UBAP1: variants seen among roughly 807,000 people sequenced by gnomAD.
UBAP1 encodes ubiquitin-associated protein 1.
In UBAP1, 5 loss-of-function variants were observed where a neutral mutation model predicts 39.0. That is an observed-to-expected ratio of 0.13 (90% CI 0.07 to 0.27). The LOEUF is 0.27. Among genes scored for constraint, UBAP1 ranks in the 10% least tolerant of loss-of-function variants. The pLI is 1.00. For synonymous variants in UBAP1, 211 were observed against 225.1 expected (o/e 0.94, Z 0.56); for missense variants, 490 against 608.1 (o/e 0.81, Z 2.04).
chr9:34,183,768 G>T (rs1201221826), intron 1 of UBAP1, among the ~76,000 whole-genome samples: 8 of 149,112 alleles, frequency 5.4e-5, no homozygotes, highest in African/African-American at 2.0e-4. Flanking sequence ...TTTTTTGTTT[G>T]TTTTTTGTTT....
intron 2 of UBAP1, among the ~76,000 whole-genome samples, chr9:34,226,128 TGTGTGTG>T: frequency 8.5e-6 from 1 of 118,108 alleles, no homozygotes. Flanking sequence ...TGTGTGTGTG[TGTGTGTG>T]TGTGTGTGTG....
chr9:34,183,233 T>A (rs1830188068), intron 1 of UBAP1, among the ~76,000 whole-genome samples: 1 of 151,918 alleles, frequency 6.6e-6, no homozygotes, highest in South Asian at 2.1e-4. Flanking sequence ...TGCAAAAAGG[T>A]AATACAGAGT....
intron 1 of UBAP1, among the ~76,000 whole-genome samples, chr9:34,183,338 T>C (rs1297238558): frequency 6.6e-6 from 1 of 151,032 alleles, no homozygotes; most frequent in Non-Finnish European, 1.5e-5. Context: ...GGTCAGGAGA[T>C]TGAGACCATC....
intron 3 of UBAP1, among the ~76,000 whole-genome samples, chr9:34,237,945 A>C (rs527387741): frequency 6.6e-6 from 1 of 152,310 alleles, no homozygotes; most frequent in East Asian, 1.9e-4. Context: ...AATCATTACT[A>C]TCTAATTCCC....
chr9:34,200,728 TTGTC>T (rs1295572950), intron 1 of UBAP1, among the ~76,000 whole-genome samples: 1 of 152,184 alleles, frequency 6.6e-6, no homozygotes, highest in East Asian at 1.9e-4. Context: ...ATTTATTTAT[TTGTC>T]TGTTTCTGTC....
At chr9:34,184,833 A>G (rs1490788152) in intron 1 of UBAP1, among the ~76,000 whole-genome samples, 2 of 151,256 alleles carry the variant, frequency 1.3e-5, no homozygotes, top group African/African-American at 4.8e-5. Flanking sequence ...CATGTTGGCC[A>G]GGATGGTCTT....
At chr9:34,212,906 A>G (rs1200478874) in intron 1 of UBAP1, among the ~76,000 whole-genome samples, 2 of 152,168 alleles carry the variant, frequency 1.3e-5, no homozygotes, top group African/African-American at 2.4e-5. Flanking sequence ...AAAAAAGAAA[A>G]CTACAGACTA....
Position 34,213,750 on chromosome 9 carries a change from A to G in UBAP1, c.-7-7158A>G, listed in dbSNP as rs1832144852. On this transcript the variant is annotated intron_variant, in intron 1 of 6. Coordinates refer to ENST00000297661, the MANE Select transcript of UBAP1 (RefSeq NM_016525.5). Reference sequence around the variant, plus strand: ...CAAACTGTCACTGTTTGCTGACAATATGATCGTTTACCTTGAAAACCCTAA... The same window carrying G: ...CAAACTGTCACTGTTTGCTGACAATGTGATCGTTTACCTTGAAAACCCTAA... Among the ~76,000 whole-genome samples, 4 of 152,136 alleles carry G rather than the reference A, an allele frequency of 2.6e-5. No individual in the cohort carries two copies. The South Asian group carries it at 8.3e-4, about 32-fold the overall frequency.
Position 34,252,059 on chromosome 9 carries a change from C to A in UBAP1, c.*527C>A, listed in dbSNP as rs766455035. The A allele has an allele frequency of 3.3e-4, 51 of 152,918 alleles. No individual in the cohort carries two copies. Among genetic ancestry groups the A allele is most frequent in the Non-Finnish European group, 6.6e-4 (45 of 68,244 alleles). 9.5% of individuals were successfully genotyped at this position (152,918 alleles called of 1,614,324 possible). A position where few individuals can be genotyped will look rare whatever the true frequency, so the allele number is the denominator to read the frequency against. On this transcript the variant is annotated 3_prime_UTR_variant, in exon 7 of 7. Coordinates refer to ENST00000297661, the MANE Select transcript of UBAP1 (RefSeq NM_016525.5). ...AGTGTTAACACTGGTTCTGCAATATCTCTGAGGTGCAAAGAATGCACTTTT... is the reference window on the plus strand; with the variant it reads ...AGTGTTAACACTGGTTCTGCAATATATCTGAGGTGCAAAGAATGCACTTTT...
At chr9:34,208,283 G>A (rs1587823673) in intron 1 of UBAP1, among the ~76,000 whole-genome samples, 1 of 151,534 alleles carries the variant, frequency 6.6e-6, no homozygotes, top group African/African-American at 2.4e-5. Flanking sequence ...GAAGTTTTTT[G>A]GCACCAATAT....
intron 4 of UBAP1, among the ~76,000 whole-genome samples, chr9:34,247,449 G>C (rs913480959): frequency 6.6e-6 from 1 of 151,858 alleles, no homozygotes; most frequent in African/African-American, 2.4e-5. Context: ...TTTAGAGACG[G>C]TGTCTCGCTG....
At chr9:34,182,657 T>C (rs189921061) in intron 1 of UBAP1, among the ~76,000 whole-genome samples, 212 of 64,984 alleles carry the variant, frequency 3.3e-3, no homozygotes, top group South Asian at 9.6e-3. Flanking sequence ...CTTTCTTTCT[T>C]TCTTTCTTTC....
rs775622296 is a variant in UBAP1 at position 34,212,058 on chromosome 9, T to C, written c.-7-8850T>C. On this transcript the variant is annotated intron_variant, in intron 1 of 6. Transcript: ENST00000297661. ...CCAGCTAAAAAAGAAAAAGAATATG[T>C]TTTATTGTTATTTTTGATTGATACT... is the stretch of plus-strand genomic sequence containing the variant. The C allele has an allele frequency of 9.9e-6, 4 of 404,744 alleles. 1 individual carries two copies. The highest frequency in any genetic ancestry group is 7.3e-5 in the South Asian group (4 of 54,910). The allele number at this position is 404,744 out of a possible 1,614,324, so 25.1% of individuals were successfully genotyped here.
chr9:34,250,728 C>T lies in UBAP1; in HGVS notation c.1337C>T (p.Ala446Val). Reference sequence around the variant, plus strand: ...TTCGACCCTCTTTTAGTGGAAGAGGCTCTGGAAATGCACCAGTGTTCAGAA... The same window carrying T: ...TTCGACCCTCTTTTAGTGGAAGAGGTTCTGGAAATGCACCAGTGTTCAGAA... ...KGFDPLLVEE[A>V]LEMHQCSEEK... Residue 446 changes from alanine to valine, a missense_variant, in exon 6 of 7, where the codon GCT becomes GTT. Ala to Val is a moderately conservative substitution (Grantham distance 64). Transcript: ENST00000297661. 1.2e-6 allele frequency: 2 copies of T among 1,613,604 alleles called. No individual in the cohort carries two copies. Among genetic ancestry groups the T allele is most frequent in the East Asian group, 2.2e-5 (1 of 44,852 alleles).
chr9:34,195,381 A>G (rs1279728891), intron 1 of UBAP1, among the ~76,000 whole-genome samples: 1 of 151,996 alleles, frequency 6.6e-6, no homozygotes, highest in Admixed American at 6.6e-5. Context: ...TTTTGTTTGC[A>G]CATAGATATC....
chr9:34,234,119 A>G, intron 2 of UBAP1, 97 bp from the exon 3 acceptor site: 2 of 1,285,840 alleles, frequency 1.6e-6, no homozygotes, highest in Non-Finnish European at 2.1e-6. Context: ...TAGACTTAGG[A>G]TAGCAAAAAT....
intron 1 of UBAP1, among the ~76,000 whole-genome samples, chr9:34,195,623 G>T (rs1250964368): frequency 4.7e-5 from 7 of 150,186 alleles, no homozygotes; most frequent in Non-Finnish European, 1.0e-4. Flanking sequence ...CTGAGACGGA[G>T]TTTCACTCTT....
intron 3 of UBAP1, among the ~76,000 whole-genome samples, chr9:34,234,562 C>T (rs1833584004): frequency 6.6e-6 from 1 of 152,076 alleles, no homozygotes. Flanking sequence ...GGGAGGATCA[C>T]TTGAGCTCAG....
At chr9:34,218,250 C>CAAAAAAGAAAAAAAAAAAAAAAA (rs1832449768) in intron 1 of UBAP1, among the ~76,000 whole-genome samples, 1 of 49,506 alleles carries the variant, frequency 2.0e-5, no homozygotes, top group African/African-American at 9.4e-5. Context: ...GACTCCATCT[C>CAAAAAAGAAAAAAAAAAAAAAAA]AAAAAAAAAA....
Sources: allele counts gnomAD v4.1 joint callset (sites outside exome capture counted in the v4.1 genomes callset), GRCh38; gene constraint gnomAD v4.1.1; transcripts MANE v1.5; gene names NCBI Gene and HGNC (gene_info 2026-07-23, HGNC 2026-07-21).